Variants in AVEN observed in about 807,000 individuals in gnomAD.
The protein encoded by AVEN is apoptosis and caspase activation inhibitor.
Under a neutral mutation model 38.1 loss-of-function variants are expected in AVEN, and 41 were observed. That is an observed-to-expected ratio of 1.08 (90% CI 0.84 to 1.40). The LOEUF is 1.40. Ranked by LOEUF, AVEN falls within the 40% of genes most tolerant of loss-of-function variation. The pLI, the probability that AVEN is intolerant of heterozygous loss-of-function variation, is 0.00. For missense variants in AVEN, 605 were observed against 438.8 expected, an observed-to-expected ratio of 1.38 and a Z score of -3.38; for synonymous variants, 206 against 171.8, an observed-to-expected ratio of 1.20 and a Z score of -1.56.
rs148756657 is a variant in AVEN, at chr15:33,914,777, G to A, written c.446-38782C>T. 0.01 allele frequency among the ~76,000 whole-genome samples: 1,538 copies of A among 150,730 alleles called. 46 individuals carry two copies. The South Asian group carries it at 0.13, about 13-fold the overall frequency. ...GAACTCATGATTTTTTTTTAAAAGT[G>A]TAGGTAGAGATACATGTATGCATGC... On this transcript the variant is annotated intron_variant, in intron 2 of 5. Coordinates refer to ENST00000306730, the MANE Select transcript of AVEN (RefSeq NM_020371.3).
intron 2 of AVEN, among the ~76,000 whole-genome samples, chr15:34,068,590 T>A (rs1421573884): frequency 2.6e-5 from 4 of 152,186 alleles, no homozygotes; most frequent in African/African-American, 9.7e-5. Flanking sequence ...TTGACATTGT[T>A]ACAATGTTAT....
downstream of AVEN, chr15:33,853,830 AC>A: frequency 1.0e-6 from 1 of 974,828 alleles, no homozygotes; most frequent in East Asian, 2.6e-5. Flanking sequence ...CTGGGAGAGC[AC>A]TGCCTTAAAA....
intron 1 of AVEN, among the ~76,000 whole-genome samples, chr15:34,012,703 C>T (rs1394813590): frequency 1.3e-5 from 2 of 152,276 alleles, no homozygotes; most frequent in East Asian, 3.9e-4. Flanking sequence ...TCTTCTGGCC[C>T]ACTTGAAGAT....
intron 2 of AVEN, among the ~76,000 whole-genome samples, chr15:33,939,379 G>A (rs1037850100): frequency 1.3e-5 from 2 of 152,180 alleles, no homozygotes; most frequent in African/African-American, 2.4e-5. Flanking sequence ...AATCAGTATC[G>A]CTTGTTACTT....
intron 2 of AVEN, among the ~76,000 whole-genome samples, chr15:33,929,786 G>C (rs1893770408): frequency 1.3e-5 from 2 of 152,094 alleles, no homozygotes; most frequent in African/African-American, 4.8e-5. Context: ...GTGATAAATG[G>C]GAAACACAGT....
intron 2 of AVEN, among the ~76,000 whole-genome samples, chr15:33,978,921 G>A (rs868669344): frequency 1.3e-5 from 1 of 79,120 alleles, no homozygotes; most frequent in Non-Finnish European, 3.6e-5. Context: ...AGAGATGTAT[G>A]TCCATGCCAG....
chr15:34,063,072 A>T lies in AVEN; in HGVS notation n.1487T>A, dbSNP rs765587498. 2 of 1,614,186 alleles carry T rather than the reference A, an allele frequency of 1.2e-6. No homozygotes were observed. Among genetic ancestry groups the T allele is most frequent in the Non-Finnish European group, 1.7e-6 (2 of 1,180,042 alleles). ...CTACGTGGCCAGCAACGCTTCTGTC[A>T]TGAACCTTCTGGTGATCAGTTTTGA... On this transcript the variant is annotated non_coding_transcript_exon_variant, in exon 5 of 12. Coordinates refer to the AVEN transcript ENST00000675287. The surrounding 1 kb of genome is among the most constrained non-coding windows in gnomAD (Gnocchi z 4.1).
intron 5 of AVEN, chr15:34,046,745 T>G (rs967825041): frequency 1.3e-5 from 2 of 152,268 alleles, no homozygotes; most frequent in Admixed American, 6.5e-5. Flanking sequence ...ATATCCAGGT[T>G]CTCGCTTTGG....
chr15:34,074,071 C>T (rs1396417975), intron 1 of AVEN, among the ~76,000 whole-genome samples: 4 of 133,288 alleles, frequency 3.0e-5, no homozygotes, highest in African/African-American at 1.2e-4. Context: ...AATTTCGGCT[C>T]ACTGCAGTCT....
intron 2 of AVEN, among the ~76,000 whole-genome samples, chr15:33,945,881 G>A (rs1894490713): frequency 6.6e-6 from 1 of 152,050 alleles, no homozygotes; most frequent in Non-Finnish European, 1.5e-5. Flanking sequence ...CACCTCCCCT[G>A]GCCCGAAAAT....
Position 34,063,794 on chromosome 15 carries a change from A to C in AVEN, n.1127-362T>G. ...CTGAAAAAAGTGACTATGACACCCC[A>C]AACTACCTTCTGTCTCCAGCAGCTG... is the stretch of plus-strand genomic sequence containing the variant. On this transcript the variant is annotated intron_variant and non_coding_transcript_variant, in intron 4 of 11. Coordinates refer to the AVEN transcript ENST00000675287. The surrounding 1 kb of genome is among the most constrained non-coding windows in gnomAD (Gnocchi z 4.1). 1.2e-6 allele frequency: 2 copies of C among 1,614,210 alleles called. No homozygotes were observed. The highest frequency in any genetic ancestry group is 2.2e-5 in the South Asian group (2 of 91,086).
downstream of AVEN, among the ~76,000 whole-genome samples, chr15:33,862,440 C>G (rs1400704319): frequency 6.6e-6 from 1 of 151,984 alleles, no homozygotes; most frequent in African/African-American, 2.4e-5. Context: ...CTCCTGAGCT[C>G]AAGCTATCCA....
intron 2 of AVEN, among the ~76,000 whole-genome samples, chr15:33,926,063 T>C (rs138896364): frequency 1.3e-5 from 2 of 152,334 alleles, no homozygotes; most frequent in African/African-American, 2.4e-5. Context: ...GTTTTTCAGA[T>C]GGCAGGGGAA....
At chr15:33,857,351 CCTCT>C (rs1430310828), downstream of AVEN, among the ~76,000 whole-genome samples, 7 of 151,952 alleles carry the variant, frequency 4.6e-5, no homozygotes, top group African/African-American at 9.7e-5. Flanking sequence ...CTGTGTCTAG[CCTCT>C]CTCTCTGTGT....
chr15:33,989,291 T>C (rs147174902), intron 2 of AVEN, among the ~76,000 whole-genome samples: 18 of 152,294 alleles, frequency 1.2e-4, no homozygotes, highest in Middle Eastern at 3.4e-3. Context: ...ACCCACAGTA[T>C]ATTCTAACCC....
chr15:33,982,194 G>T (rs1896182073), intron 2 of AVEN, among the ~76,000 whole-genome samples: 2 of 152,106 alleles, frequency 1.3e-5, no homozygotes, highest in African/African-American at 4.8e-5. Context: ...TAACACATTT[G>T]TTAACACCTA....
intron 1 of AVEN, among the ~76,000 whole-genome samples, chr15:34,022,868 T>C (rs904494289): frequency 6.6e-6 from 1 of 152,220 alleles, no homozygotes; most frequent in South Asian, 2.1e-4. Context: ...TGCTGAAAGC[T>C]TGCCTTTGGC....
intron 2 of AVEN, among the ~76,000 whole-genome samples, chr15:33,996,878 G>A (rs2140596739): frequency 6.6e-6 from 1 of 152,314 alleles, no homozygotes; most frequent in African/African-American, 2.4e-5. Flanking sequence ...ACAGAAGTAG[G>A]CTTCGGAAGG....
chr15:33,960,564 A>AT (rs2140468626), intron 2 of AVEN, among the ~76,000 whole-genome samples: 1 of 152,302 alleles, frequency 6.6e-6, no homozygotes, highest in South Asian at 2.1e-4. Context: ...ATGCTTTGGG[A>AT]TTAAAAAAAA....
Sources: allele counts gnomAD v4.1 joint callset (sites outside exome capture counted in the v4.1 genomes callset), GRCh38; gene constraint gnomAD v4.1.1; non-coding constraint Gnocchi (gnomAD v3.1); transcripts MANE v1.5; gene names NCBI Gene and HGNC (gene_info 2026-07-23, HGNC 2026-07-21).